Variants in SEC16A observed in about 807,000 individuals in gnomAD.
SEC16A encodes the protein SEC16 homolog A, endoplasmic reticulum export factor, also known as protein transport protein Sec16A.
SEC16A carries 110 observed loss-of-function variants against 221.9 expected under a neutral mutation model. The observed-to-expected ratio is 0.50, with a 90% CI of 0.42 to 0.58. The LOEUF (loss-of-function observed/expected upper bound fraction) is 0.58. Among genes scored for constraint, SEC16A ranks in the 20% least tolerant of loss-of-function variants. The pLI, the probability that SEC16A is intolerant of heterozygous loss-of-function variation, is 0.00. For missense variants in SEC16A, 3,165 were observed against 3,097.8 expected, an observed-to-expected ratio of 1.02 and a Z score of -0.52; for synonymous variants, 1,393 against 1,257.7, an observed-to-expected ratio of 1.11 and a Z score of -2.28.
At chr9:136,465,366 G>A (rs1301961489) in intron 8 of SEC16A, among the ~76,000 whole-genome samples, 2 of 151,330 alleles carry the variant, frequency 1.3e-5, no homozygotes, top group East Asian at 2.0e-4. Flanking sequence ...CAGGAGAATC[G>A]TTTGAACCCG....
chr9:136,448,988 T>G (rs1287496060), intron 23 of SEC16A: 4 of 620,462 alleles, frequency 6.4e-6, no homozygotes, highest in Non-Finnish European at 1.2e-5. Context: ...CACAGAACTG[T>G]GCACTCAGAA....
chr9:136,477,026 G>A lies in SEC16A; in HGVS notation c.590C>T (p.Thr197Ile). Reference sequence around the variant, plus strand: ...AGGGAGGGAAGGGGATGCTGCTGGGGTGACCACACCGTCATGTGGGTTTTG... The same window carrying A: ...AGGGAGGGAAGGGGATGCTGCTGGGATGACCACACCGTCATGTGGGTTTTG... Reference protein sequence around the residue: ...SRQNPHDGVVTPAASPSLPQP... With the variant: ...SRQNPHDGVVIPAASPSLPQP... The change falls in exon 3 of 32, where the codon ACC becomes ATC. Residue 197 changes from threonine to isoleucine, a missense_variant. Thr to Ile is a moderately conservative substitution (Grantham distance 89). Coordinates refer to ENST00000684901, the MANE Select transcript of SEC16A (RefSeq NM_014866.2). 6.2e-7 allele frequency: 1 copy of A among 1,613,674 alleles called. No homozygotes were observed. Among genetic ancestry groups the A allele is most frequent in the Non-Finnish European group, 8.5e-7 (1 of 1,179,890 alleles).
chr9:136,478,959 T>C (rs1420909009), intron 1 of SEC16A, among the ~76,000 whole-genome samples, 129 bp from the exon 2 acceptor site: 1 of 152,240 alleles, frequency 6.6e-6, no homozygotes, highest in African/African-American at 2.4e-5. Context: ...GTACTGTGAC[T>C]GGCTTAAGGT....
rs1453806113 is a variant in SEC16A at position 136,445,782 on chromosome 9, G to A, written c.6793-63C>T. On this transcript the variant is annotated intron_variant, in intron 28 of 31. Coordinates refer to ENST00000684901, the MANE Select transcript of SEC16A (RefSeq NM_014866.2). The stretch of plus-strand genomic sequence containing the variant: ...AGGGAATTTAAGTCTCTCACACCAG[G>A]CCAAAAAATATGAAACTGTTCTGGC... 5.0e-6 allele frequency: 7 copies of A among 1,398,514 alleles called. No individual in the cohort carries two copies. The East Asian group carries it at 1.5e-4, about 30-fold the overall frequency. The allele number at this position is 1,398,514 out of a possible 1,614,324, so 86.6% of individuals were successfully genotyped here.
chr9:136,444,879 CAAAAAAAAAAA>C (rs757568383), intron 30 of SEC16A, among the ~76,000 whole-genome samples, 162 bp downstream of exon 30: 1 of 65,648 alleles, frequency 1.5e-5, no homozygotes, highest in African/African-American at 5.5e-5. Flanking sequence ...AACTCCGTCT[CAAAAAAAAAAA>C]AAAAAAAAAA....
At chr9:136,481,460 T>A (rs1212305034) in intron 1 of SEC16A, among the ~76,000 whole-genome samples, 1 of 152,160 alleles carries the variant, frequency 6.6e-6, no homozygotes, top group Non-Finnish European at 1.5e-5. Context: ...TTCTGTAACC[T>A]CAAGTCATCT....
In SEC16A at chr9:136,455,747, C is replaced by T. The variant is rs1228313865; in HGVS notation, c.5711G>A (p.Cys1904Tyr). The change falls in exon 20 of 32, where the codon TGT becomes TAT. Residue 1904 changes from cysteine (C) to tyrosine (Y), a missense_variant. By Grantham distance (194) the Cys-to-Tyr change is radical. This residue lies in a region of SEC16A where 1,088 missense variants were observed against 1,089.6 expected (regional missense o/e 1.00). Transcript: ENST00000684901. The part of the protein sequence containing the change: ...WHQDGALPQQ[C>Y]PGTPSSEMEQ... Reference sequence around the variant, plus strand: ...CATCTCGGAACTCGGAGTGCCAGGACACTGCTGCGGGAGGGCTCCATCCTG... The same window carrying T: ...CATCTCGGAACTCGGAGTGCCAGGATACTGCTGCGGGAGGGCTCCATCCTG... The T allele has an allele frequency of 1.9e-6, 3 of 1,599,928 alleles. No individual in the cohort carries two copies. Among genetic ancestry groups the T allele is most frequent in the Non-Finnish European group, 2.6e-6 (3 of 1,173,638 alleles).
chr9:136,480,927 G>A (rs944591270), intron 1 of SEC16A, among the ~76,000 whole-genome samples: 1 of 151,892 alleles, frequency 6.6e-6, no homozygotes, highest in African/African-American at 2.4e-5. Flanking sequence ...TAGACTAAGA[G>A]CTTTTTTATG....
chr9:136,484,559 A>C, upstream of SEC16A: 1 of 1,319,006 alleles, frequency 7.6e-7, no homozygotes, highest in Non-Finnish European at 1.0e-6. Context: ...TGCCCGCCCG[A>C]TGGCATCGCG....
chr9:136,461,220 C>G lies in SEC16A; in HGVS notation c.4948G>C (p.Ala1650Pro). 1 of 1,609,558 alleles carries G rather than the reference C, an allele frequency of 6.2e-7. No homozygotes were observed. The highest frequency in any genetic ancestry group is 8.5e-7 in the Non-Finnish European group (1 of 1,178,038). ...TGTGTCCGGCTGTCCATCTTACTTG[C>G]AAGTAGCAGAGCGTGACCCCACAGG... ...NGLWGHALLL[A>P]SKMDSRTHAR... Residue 1650 changes from alanine to proline, a missense_variant, in exon 13 of 32, where the codon GCA becomes CCA. By Grantham distance (27) the Ala-to-Pro change is conservative. Around this residue, in one of 3 missense-constraint regions of SEC16A, gnomAD observed 1,088 missense variants for 1,089.6 expected, o/e 1.00. Transcript: ENST00000684901.
intron 29 of SEC16A, among the ~76,000 whole-genome samples, chr9:136,445,377 A>C: frequency 6.6e-6 from 1 of 152,192 alleles, no homozygotes; most frequent in East Asian, 1.9e-4. Flanking sequence ...ACACCTCACA[A>C]TTCAAGACAA....
Position 136,462,968 on chromosome 9 carries a change from A to AGTGAGGAAAGAGAGCT in SEC16A, c.4796_4811dup (p.Gly1605AlafsTer31). ...AGCTGGCGGCAGCCGCCGGACCACC[A>AGTGAGGAAAGAGAGCT]GTGAGGAAAGAGAGCTGGGCCTCAC... is the stretch of plus-strand genomic sequence containing the variant. On this transcript the variant is annotated frameshift_variant, in exon 12 of 32. Transcript: ENST00000684901. LOFTEE classifies it high-confidence loss of function. 1.9e-6 allele frequency: 3 copies of AGTGAGGAAAGAGAGCT among 1,608,750 alleles called. No homozygotes were observed. Among genetic ancestry groups the AGTGAGGAAAGAGAGCT allele is most frequent in the Non-Finnish European group, 2.5e-6 (3 of 1,179,860 alleles).
Position 136,459,042 on chromosome 9 carries a change from A to G in SEC16A, c.5409+92T>C. The G allele has an allele frequency of 2.4e-6, 2 of 816,512 alleles. No individual in the cohort carries two copies. Among genetic ancestry groups the G allele is most frequent in the Non-Finnish European group, 3.8e-6 (2 of 533,328 alleles). 50.6% of individuals were successfully genotyped at this position (816,512 alleles called of 1,614,324 possible). A position where few individuals can be genotyped will look rare whatever the true frequency, so the allele number is the denominator to read the frequency against. ...CAAAAAACTCACATCATTTTTTTCGATACCAATTCAAACAATCTAAGTAGC... is the reference window on the plus strand; with the variant it reads ...CAAAAAACTCACATCATTTTTTTCGGTACCAATTCAAACAATCTAAGTAGC... On this transcript the variant is annotated intron_variant, in intron 17 of 31. Transcript: ENST00000684901. This position sits in a 1 kb window ranked among gnomAD's most constrained non-coding sequence, Gnocchi z 6.1.
intron 19 of SEC16A, 41 bp from the exon 20 acceptor site, chr9:136,455,834 G>A (rs1838569518): frequency 3.2e-6 from 5 of 1,541,312 alleles, no homozygotes; most frequent in Non-Finnish European, 1.8e-6. Flanking sequence ...GCCGCCTGTG[G>A]CCGCTCTGCA....
In SEC16A at chr9:136,460,834, A is replaced by C. The variant is rs146616821; in HGVS notation, c.4991+343T>G. Among the ~76,000 whole-genome samples the C allele has an allele frequency of 1.4e-4, 22 of 152,126 alleles. No individual in the cohort carries two copies. The East Asian group carries it at 3.9e-3, about 27-fold the overall frequency. On this transcript the variant is annotated intron_variant, in intron 13 of 31. Coordinates refer to ENST00000684901, the MANE Select transcript of SEC16A (RefSeq NM_014866.2). Reference sequence around the variant, plus strand: ...AGGCCAAGGCGTGAGGATCACTTGAACCTGGGAGGCAGGGGTTGCGGTGAG... The same window carrying C: ...AGGCCAAGGCGTGAGGATCACTTGACCCTGGGAGGCAGGGGTTGCGGTGAG...
chr9:136,448,386 G>A (rs1297982143), intron 23 of SEC16A: 9 of 624,104 alleles, frequency 1.4e-5, no homozygotes, highest in Middle Eastern at 5.2e-4. Flanking sequence ...GGTGGGGGGC[G>A]ATCCACAGAG....
chr9:136,483,837 A>T, upstream of SEC16A: 2 of 979,248 alleles, frequency 2.0e-6, no homozygotes, highest in Non-Finnish European at 2.4e-6. Context: ...GAGCTGCGGG[A>T]CGCGGAGGGC....
At chr9:136,448,057 G>A (rs1015470573) in intron 24 of SEC16A, 27 bp downstream of exon 24, 16 of 1,592,196 alleles carry the variant, frequency 1.0e-5, no homozygotes, top group Admixed American at 1.7e-5. Context: ...TTCTTCGGAC[G>A]TCCCGTGCGT....
rs767411407 is a variant in SEC16A, at chr9:136,456,189, G to C, written c.5551-23C>G. The stretch of plus-strand genomic sequence containing the variant: ...CATCTAGACACGGGCAAAAATCAAA[G>C]GCCCCTGTCACCACCGGGTGATGGC... On this transcript the variant is annotated intron_variant, in intron 18 of 31. Coordinates refer to ENST00000684901, the MANE Select transcript of SEC16A (RefSeq NM_014866.2). 5 of 1,577,308 alleles carry C rather than the reference G, an allele frequency of 3.2e-6. No individual in the cohort carries two copies. The African/African-American group carries it at 6.7e-5, about 21-fold the overall frequency.
Sources: allele counts gnomAD v4.1 joint callset (sites outside exome capture counted in the v4.1 genomes callset), GRCh38; gene constraint gnomAD v4.1.1; regional missense constraint gnomAD v4.1.1; non-coding constraint Gnocchi (gnomAD v3.1); transcripts MANE v1.5; gene names NCBI Gene and HGNC (gene_info 2026-07-23, HGNC 2026-07-21).